The following DOCK7 variants were observed in gnomAD, a reference collection of about 807,000 sequenced individuals.
DOCK7 encodes dedicator of cytokinesis protein 7.
A neutral mutation model predicts 271.0 loss-of-function variants in DOCK7; 138 were observed. The observed-to-expected ratio is 0.51, with a 90% CI of 0.44 to 0.59. DOCK7 has a LOEUF of 0.59. Among genes scored for constraint, DOCK7 ranks in the 20% least tolerant of loss-of-function variants. The pLI is 0.00. For synonymous variants in DOCK7, 823 were observed against 876.1 expected, an observed-to-expected ratio of 0.94 and a Z score of 1.07; for missense variants, 2,066 against 2,592.4, an observed-to-expected ratio of 0.80 and a Z score of 4.41.
chr1:62,579,957 C>A (rs187982574), intron 16 of DOCK7, among the ~76,000 whole-genome samples: 274 of 152,164 alleles, frequency 1.8e-3, no homozygotes, highest in African/African-American at 6.3e-3. Flanking sequence ...TCTCAATATT[C>A]ATTGAGAATA....
chr1:62,666,600 ACT>A (rs1659350782), intron 1 of DOCK7, among the ~76,000 whole-genome samples: 1 of 152,200 alleles, frequency 6.6e-6, no homozygotes, highest in African/African-American at 2.4e-5. Context: ...AAATAAAAAA[ACT>A]CTATCTCTTA....
At chr1:62,636,730 T>C (rs1197600573) in intron 7 of DOCK7, 127 bp from the exon 8 acceptor site, 3 of 684,870 alleles carry the variant, frequency 4.4e-6, no homozygotes, top group Admixed American at 3.2e-5. Flanking sequence ...TTTGCCTATA[T>C]TAAAACTTCT....
chr1:62,485,819 A>C, intron 43 of DOCK7: 1 of 587,256 alleles, frequency 1.7e-6, no homozygotes, highest in South Asian at 7.5e-5. Flanking sequence ...AGTTTTACAA[A>C]GGAAAAGCAA....
At chr1:62,564,654 G>A (rs1326230829) in intron 18 of DOCK7, among the ~76,000 whole-genome samples, 3 of 152,098 alleles carry the variant, frequency 2.0e-5, no homozygotes, top group Admixed American at 6.6e-5. Flanking sequence ...AGAGAAGCAA[G>A]AGTAAATAAA....
chr1:62,688,146 C>A, intron 1 of DOCK7, 81 bp downstream of exon 1: 2 of 1,226,864 alleles, frequency 1.6e-6, no homozygotes, highest in South Asian at 3.0e-5. Context: ...CACACCCACC[C>A]GCCTCCTAGG....
chr1:62,501,782 T>C (rs1646792805), intron 37 of DOCK7, among the ~76,000 whole-genome samples: 1 of 152,238 alleles, frequency 6.6e-6, no homozygotes, highest in Admixed American at 6.5e-5. Flanking sequence ...TTACTCTTTT[T>C]ACTTGATGCA....
At chr1:62,481,256 A>G (rs1434101279) in intron 43 of DOCK7, 1 of 152,214 alleles carries the variant, frequency 6.6e-6, no homozygotes, top group Non-Finnish European at 1.5e-5. Context: ...GAATCGGATG[A>G]GATAAGGTTA....
intron 12 of DOCK7, among the ~76,000 whole-genome samples, chr1:62,620,604 G>A (rs1653065789): frequency 6.6e-6 from 1 of 151,652 alleles, no homozygotes; most frequent in African/African-American, 2.4e-5. Flanking sequence ...TTACTGGCCG[G>A]GTGCAGTGGC....
chr1:62,687,440 G>A (rs1211694859), intron 1 of DOCK7, among the ~76,000 whole-genome samples: 1 of 152,172 alleles, frequency 6.6e-6, no homozygotes, highest in Admixed American at 6.5e-5. Context: ...CATATAAAAG[G>A]ATGTCAGTGT....
intron 31 of DOCK7, among the ~76,000 whole-genome samples, chr1:62,524,414 A>G (rs1375070220): frequency 6.6e-6 from 1 of 152,204 alleles, no homozygotes; most frequent in African/African-American, 2.4e-5. Flanking sequence ...GGATATATAT[A>G]AAAGAAAGTC....
intron 14 of DOCK7, chr1:62,604,097 C>T: frequency 6.2e-7 from 1 of 1,613,246 alleles, no homozygotes; most frequent in Non-Finnish European, 8.5e-7. Context: ...CTTGGGAAAT[C>T]ACGAAACCAA....
intron 31 of DOCK7, among the ~76,000 whole-genome samples, chr1:62,525,539 GT>G (rs1644981465): frequency 6.6e-6 from 1 of 151,956 alleles, no homozygotes; most frequent in Non-Finnish European, 1.5e-5. Flanking sequence ...CAAAAGAAAA[GT>G]TAAAAAAAAT....
At chr1:62,473,845 A>T (rs1208388067) in intron 48 of DOCK7, 137 bp downstream of exon 48, 1 of 567,480 alleles carries the variant, frequency 1.8e-6, no homozygotes, top group Non-Finnish European at 3.0e-6. Flanking sequence ...TCAGCCTCCC[A>T]AAGTGCTGAG....
intron 31 of DOCK7, among the ~76,000 whole-genome samples, chr1:62,527,014 C>T (rs1645031009): frequency 6.6e-6 from 1 of 152,042 alleles, no homozygotes; most frequent in East Asian, 1.9e-4. Context: ...CGTAAATATA[C>T]TAAAAACCAT....
At chr1:62,602,494 C>T in intron 14 of DOCK7, 1 of 852,338 alleles carries the variant, frequency 1.2e-6, no homozygotes, top group Non-Finnish European at 2.0e-6. Context: ...GCAGTCTCAG[C>T]CTTCATATAA....
intron 14 of DOCK7, among the ~76,000 whole-genome samples, chr1:62,612,076 A>G (rs1037049542): frequency 2.6e-5 from 4 of 152,050 alleles, no homozygotes; most frequent in African/African-American, 9.7e-5. Flanking sequence ...AAATTGCTTG[A>G]ACCCGGGAGG....
At chr1:62,474,147 G>A in intron 47 of DOCK7, 59 bp from the exon 48 acceptor site, 2 of 1,410,078 alleles carry the variant, frequency 1.4e-6, no homozygotes, top group Non-Finnish European at 2.0e-6. Context: ...CACAGAGACA[G>A]AATTTACTCA....
At chr1:62,638,029 T>G (rs1049732161) in intron 7 of DOCK7, among the ~76,000 whole-genome samples, 1 of 152,206 alleles carries the variant, frequency 6.6e-6, no homozygotes, top group African/African-American at 2.4e-5. Context: ...CTGCATCATT[T>G]TGATACTGTC....
chr1:62,647,464 T>C (rs1013950987), intron 7 of DOCK7, among the ~76,000 whole-genome samples: 1 of 152,176 alleles, frequency 6.6e-6, no homozygotes, highest in Non-Finnish European at 1.5e-5. Flanking sequence ...GTTGACTTTA[T>C]GTTTGCTACA....
Sources: gnomAD v4.1 joint callset for allele counts (sites outside exome capture counted in the v4.1 genomes callset) on GRCh38, gnomAD v4.1.1 for gene constraint, MANE v1.5 for transcripts, NCBI Gene and HGNC (gene_info 2026-07-23, HGNC 2026-07-21) for gene names.